Variants in VPS13B observed in about 807,000 individuals in gnomAD.
The protein encoded by VPS13B is vacuolar protein sorting 13 homolog B, also known as intermembrane lipid transfer protein VPS13B.
Under a neutral mutation model 426.4 loss-of-function variants are expected in VPS13B, and 285 were observed. The observed-to-expected ratio is 0.67, with a 90% CI of 0.61 to 0.74. The LOEUF (loss-of-function observed/expected upper bound fraction) is 0.74. VPS13B is among the 30% of genes least tolerant of loss of function. The pLI is 0.00. For missense variants in VPS13B, 4,537 were observed against 4,782.6 expected (o/e 0.95, Z 1.51); for synonymous variants, 1,676 against 1,676.4 (o/e 1.00, Z 0.01).
chr8:99,500,472 A>G (rs1821168014), intron 25 of VPS13B, among the ~76,000 whole-genome samples: 1 of 152,136 alleles, frequency 6.6e-6, no homozygotes, highest in African/African-American at 2.4e-5. Flanking sequence ...TTTCTATTTA[A>G]TCTTAACTGT....
chr8:99,031,578 A>G (rs1842508590), intron 2 of VPS13B, among the ~76,000 whole-genome samples: 1 of 152,162 alleles, frequency 6.6e-6, no homozygotes, highest in Non-Finnish European at 1.5e-5. Context: ...GATTTGACTT[A>G]CAGTACTGGT....
intron 31 of VPS13B, among the ~76,000 whole-genome samples, chr8:99,559,390 T>G (rs1012832304): frequency 1.1e-4 from 16 of 152,244 alleles, no homozygotes; most frequent in Non-Finnish European, 2.9e-5. Context: ...TCTTTTGCTG[T>G]GCAGAAGCTC....
At chr8:99,830,241 G>A (rs1814965038) in intron 51 of VPS13B, among the ~76,000 whole-genome samples, 1 of 152,210 alleles carries the variant, frequency 6.6e-6, no homozygotes, top group Admixed American at 6.5e-5. Context: ...GGAGATGGGA[G>A]TTTGATCTAT....
At chr8:99,423,850 T>A (rs1422309158) in intron 21 of VPS13B, among the ~76,000 whole-genome samples, 1 of 152,194 alleles carries the variant, frequency 6.6e-6, no homozygotes, top group Non-Finnish European at 1.5e-5. Context: ...AGTTTTGGAA[T>A]AGGTGTGGTG....
At chr8:99,575,165 T>A (rs1449470923) in intron 31 of VPS13B, among the ~76,000 whole-genome samples, 2 of 150,574 alleles carry the variant, frequency 1.3e-5, no homozygotes, top group African/African-American at 4.9e-5. Flanking sequence ...GACCTTGTCT[T>A]AAAAAAAAAT....
In VPS13B at chr8:99,555,322, C is replaced by A. The variant is rs538847970; in HGVS notation, c.4746-1128C>A. Among the ~76,000 whole-genome samples, 7 of 152,230 alleles carry A rather than the reference C, an allele frequency of 4.6e-5. No homozygotes were observed. In the South Asian group the frequency reaches 1.2e-3, roughly 27 times the overall value. On this transcript the variant is annotated intron_variant, in intron 30 of 61. Coordinates refer to ENST00000357162, the MANE Select transcript of VPS13B (RefSeq NM_152564.5). ...CCTTCTTAGTCAACCAAGGCATAAA[C>A]TGAATCAGATTTTGCCTTTTTCTAT...
chr8:99,701,224 T>C (rs545843411), intron 36 of VPS13B, among the ~76,000 whole-genome samples: 1 of 152,322 alleles, frequency 6.6e-6, no homozygotes, highest in South Asian at 2.1e-4. Flanking sequence ...TCATGGGTCA[T>C]GAAAGACTAT....
chr8:99,461,201 C>T (rs1818813274), intron 23 of VPS13B, among the ~76,000 whole-genome samples: 1 of 151,904 alleles, frequency 6.6e-6, no homozygotes, highest in Non-Finnish European at 1.5e-5. Flanking sequence ...TTGCATTTCA[C>T]TATCTCCTTA....
At chr8:99,040,853 G>T (rs2132228987) in intron 3 of VPS13B, among the ~76,000 whole-genome samples, 1 of 152,212 alleles carries the variant, frequency 6.6e-6, no homozygotes, top group African/African-American at 2.4e-5. Flanking sequence ...GCTTAAATCA[G>T]ATAAGATCAT....
At chr8:99,554,187 T>C (rs1824425929) in intron 30 of VPS13B, among the ~76,000 whole-genome samples, 1 of 152,142 alleles carries the variant, frequency 6.6e-6, no homozygotes, top group Non-Finnish European at 1.5e-5. Flanking sequence ...GATTTGTCTT[T>C]TAATATAGCA....
In VPS13B at chr8:99,428,334, A is replaced by G. The variant is rs956078193; in HGVS notation, c.3083-3203A>G. ...CTTCTGCACAGCAAAAGAAACTACC[A>G]TCAGAGTGAACAGGCAACCTATAGA... On this transcript the variant is annotated intron_variant, in intron 21 of 61. Transcript: ENST00000357162. Among the ~76,000 whole-genome samples, 27 of 152,310 alleles carry G rather than the reference A, an allele frequency of 1.8e-4. 1 individual carries two copies. In the Middle Eastern group the frequency reaches 0.024, roughly 134 times the overall value.
intron 21 of VPS13B, among the ~76,000 whole-genome samples, chr8:99,422,711 C>A (rs993089906): frequency 2.0e-5 from 3 of 152,136 alleles, no homozygotes; most frequent in East Asian, 1.9e-4. Flanking sequence ...TTAAAAAATA[C>A]AATAAGTAAT....
chr8:99,700,566 C>T (rs778086259), intron 36 of VPS13B, among the ~76,000 whole-genome samples: 1 of 152,224 alleles, frequency 6.6e-6, no homozygotes, highest in Non-Finnish European at 1.5e-5. Context: ...CACCTGGCAA[C>T]GAAAAGCTGT....
At chr8:99,388,877 A>G (rs3105178) in intron 20 of VPS13B, among the ~76,000 whole-genome samples, 40,848 of 152,130 alleles carry the variant, frequency 0.27, 6,076 homozygotes, top group East Asian at 0.43. Context: ...TTGACTGGGC[A>G]CAGTGGCTCA....
intron 39 of VPS13B, among the ~76,000 whole-genome samples, chr8:99,763,262 T>C (rs1370181002): frequency 6.6e-6 from 1 of 152,034 alleles, no homozygotes; most frequent in East Asian, 1.9e-4. Flanking sequence ...ACTTCTATAC[T>C]TCTTTGTGGA....
chr8:99,570,484 G>A (rs1825417866), intron 31 of VPS13B, among the ~76,000 whole-genome samples: 1 of 151,838 alleles, frequency 6.6e-6, no homozygotes, highest in African/African-American at 2.4e-5. Context: ...TTTAACTTTA[G>A]TAACTGTATT....
chr8:99,027,786 G>A (rs1055825297), intron 2 of VPS13B, among the ~76,000 whole-genome samples: 3 of 150,108 alleles, frequency 2.0e-5, no homozygotes, highest in South Asian at 2.1e-4. Flanking sequence ...GGTGTTTCTC[G>A]CAGAGGGGGA....
chr8:99,084,401 C>T (rs1845654460), intron 3 of VPS13B, among the ~76,000 whole-genome samples: 3 of 152,114 alleles, frequency 2.0e-5, no homozygotes, highest in Non-Finnish European at 4.4e-5. Flanking sequence ...TTTCAAAACA[C>T]CAGCTCCTGG....
intron 33 of VPS13B, among the ~76,000 whole-genome samples, chr8:99,626,035 CA>C (rs1353253973): frequency 2.6e-5 from 4 of 152,112 alleles, no homozygotes; most frequent in Non-Finnish European, 5.9e-5. Flanking sequence ...CAAAATGAAT[CA>C]GACCTAAATG....
Sources: allele counts gnomAD v4.1 joint callset (sites outside exome capture counted in the v4.1 genomes callset), GRCh38; gene constraint gnomAD v4.1.1; transcripts MANE v1.5; gene names NCBI Gene and HGNC (gene_info 2026-07-23, HGNC 2026-07-21).